The following ZPLD1 variants were observed in gnomAD, a reference collection of about 807,000 sequenced individuals.
The protein encoded by ZPLD1 is zona pellucida like domain containing 1.
ZPLD1 carries 34 observed loss-of-function variants against 47.2 expected under a neutral mutation model. The observed-to-expected ratio is 0.72, with a 90% CI of 0.55 to 0.96. The LOEUF (loss-of-function observed/expected upper bound fraction) is 0.96. ZPLD1 is among the 40% of genes least tolerant of loss of function. ZPLD1 has a pLI of 0.00. For synonymous variants in ZPLD1, 176 were observed against 186.2 expected (o/e 0.95, Z 0.45); for missense variants, 512 against 505.8 (o/e 1.01, Z -0.12).
At chr3:102,461,892 A>G (rs1209602168) in intron 6 of ZPLD1, among the ~76,000 whole-genome samples, 1 of 152,092 alleles carries the variant, frequency 6.6e-6, no homozygotes, top group African/African-American at 2.4e-5. Context: ...AAACAGATAT[A>G]ATTTAAATAA....
At chr3:102,397,628 A>G (rs912845638) in intron 7 of ZPLD1, among the ~76,000 whole-genome samples, 3 of 152,102 alleles carry the variant, frequency 2.0e-5, no homozygotes, top group Admixed American at 1.3e-4. Context: ...CTTGTATTCT[A>G]TTTCAGAAGG....
intron 8 of ZPLD1, 137 bp downstream of exon 8, chr3:102,464,388 A>G: frequency 1.7e-6 from 1 of 578,598 alleles, no homozygotes; most frequent in Non-Finnish European, 2.9e-6. Context: ...TTGAACTTTG[A>G]GTCCTTATAA....
intron 7 of ZPLD1, among the ~76,000 whole-genome samples, chr3:102,406,909 G>A (rs1177493235): frequency 3.3e-5 from 5 of 151,716 alleles, no homozygotes; most frequent in African/African-American, 7.3e-5. Context: ...TGAACATATC[G>A]TGCAAATGTT....
intron 7 of ZPLD1, among the ~76,000 whole-genome samples, chr3:102,399,885 C>G (rs1706600134): frequency 6.6e-6 from 1 of 151,438 alleles, no homozygotes; most frequent in East Asian, 2.0e-4. Context: ...GTGGTGTGAT[C>G]TCGGTTCACT....
chr3:102,453,074 T>C lies in ZPLD1; in HGVS notation c.262T>C (p.Phe88Leu), dbSNP rs760567616. The change falls in exon 4 of 12, where the codon TTT becomes CTT. Residue 88 changes from phenylalanine (F) to leucine (L), a missense_variant. Physicochemically the swap from Phe to Leu is conservative, Grantham distance 22. Transcript: ENST00000466937. ...HCRGFINNNTFPAVVIFIINL... is the reference protein window; with the variant it reads ...HCRGFINNNTLPAVVIFIINL... The stretch of plus-strand genomic sequence containing the variant: ...CAGAGGGTTCATCAATAACAACACC[T>C]TTCCAGCAGTGGTCATTTTTATCAT... 1 of 1,614,066 alleles carries C rather than the reference T, an allele frequency of 6.2e-7. No individual in the cohort carries two copies. The highest frequency in any genetic ancestry group is 8.5e-7 in the Non-Finnish European group (1 of 1,179,984).
intron 6 of ZPLD1, among the ~76,000 whole-genome samples, chr3:102,389,843 A>G (rs1706475495): frequency 6.6e-6 from 1 of 152,160 alleles, no homozygotes; most frequent in Admixed American, 6.5e-5. Context: ...AGAGTTAATG[A>G]TCTTATTCTC....
chr3:102,460,760 T>C (rs1707494536), intron 6 of ZPLD1, among the ~76,000 whole-genome samples: 1 of 151,946 alleles, frequency 6.6e-6, no homozygotes, highest in Non-Finnish European at 1.5e-5. Flanking sequence ...CATAATTAAA[T>C]CACAGGTGGA....
chr3:102,470,616 CAAGAT>C (rs952651835), intron 10 of ZPLD1, 114 bp downstream of exon 10: 3 of 746,054 alleles, frequency 4.0e-6, no homozygotes, highest in Non-Finnish European at 6.7e-6. Flanking sequence ...AATTGTGAGA[CAAGAT>C]AAACTACTAA....
chr3:102,393,267 A>C (rs932575972), intron 7 of ZPLD1, among the ~76,000 whole-genome samples: 4 of 152,146 alleles, frequency 2.6e-5, no homozygotes, highest in Admixed American at 2.6e-4. Flanking sequence ...CCGGCCCAGA[A>C]GTATATTAAG....
intron 8 of ZPLD1, among the ~76,000 whole-genome samples, chr3:102,423,194 A>G (rs936735111): frequency 6.6e-6 from 1 of 152,120 alleles, no homozygotes; most frequent in Non-Finnish European, 1.5e-5. Context: ...TTTCAGGCTT[A>G]AACTGCCATG....
At chr3:102,427,347 AT>A (rs1215565109) in intron 8 of ZPLD1, among the ~76,000 whole-genome samples, 1 of 152,234 alleles carries the variant, frequency 6.6e-6, no homozygotes, top group Non-Finnish European at 1.5e-5. Context: ...CTTTAGCAAC[AT>A]GGAGATTAGG....
At chr3:102,469,793 T>C (rs1707653604) in intron 9 of ZPLD1, among the ~76,000 whole-genome samples, 1 of 152,170 alleles carries the variant, frequency 6.6e-6, no homozygotes, top group South Asian at 2.1e-4. Context: ...TGCATCTGTA[T>C]TGCATACAGC....
chr3:102,447,386 C>T (rs1441654674), intron 3 of ZPLD1, among the ~76,000 whole-genome samples: 1 of 152,082 alleles, frequency 6.6e-6, no homozygotes, highest in Non-Finnish European at 1.5e-5. Context: ...TTCTTTTACA[C>T]TATACACTGA....
intron 2 of ZPLD1, among the ~76,000 whole-genome samples, chr3:102,437,534 C>G (rs1707108366): frequency 6.6e-6 from 1 of 152,084 alleles, no homozygotes; most frequent in South Asian, 2.1e-4. Flanking sequence ...ATTTTATTTT[C>G]TTTTTGCTTT....
At chr3:102,437,954 G>A (rs1707116254) in intron 2 of ZPLD1, among the ~76,000 whole-genome samples, 1 of 152,170 alleles carries the variant, frequency 6.6e-6, no homozygotes, top group Non-Finnish European at 1.5e-5. Context: ...AAAAGTTGCA[G>A]TAGTCTGGAA....
chr3:102,477,350 G>A, intron 11 of ZPLD1, 93 bp from the exon 12 acceptor site: 2 of 1,262,828 alleles, frequency 1.6e-6, no homozygotes, highest in East Asian at 4.6e-5. Flanking sequence ...TCTATGAGAT[G>A]CTGATGAAAG....
chr3:102,467,246 T>C (rs1473647329), intron 8 of ZPLD1, among the ~76,000 whole-genome samples: 3 of 151,910 alleles, frequency 2.0e-5, no homozygotes. Flanking sequence ...GTATCAAAAA[T>C]GAAAATATGA....
chr3:102,435,240 TGTC>T, intron 1 of ZPLD1, 86 bp downstream of exon 1: 2 of 1,459,968 alleles, frequency 1.4e-6, no homozygotes, highest in African/African-American at 1.4e-5. Context: ...GGCTTGAAAA[TGTC>T]GTAAGCCCTG....
chr3:102,401,489 G>A (rs1407822985), intron 7 of ZPLD1, among the ~76,000 whole-genome samples: 1 of 152,064 alleles, frequency 6.6e-6, no homozygotes, highest in African/African-American at 2.4e-5. Flanking sequence ...TGGGCACTCA[G>A]TCCATTGGAT....
Sources: gnomAD v4.1 joint callset for allele counts (sites outside exome capture counted in the v4.1 genomes callset) on GRCh38, gnomAD v4.1.1 for gene constraint, MANE v1.5 for transcripts, NCBI Gene and HGNC (gene_info 2026-07-23, HGNC 2026-07-21) for gene names.